BMPR1A: variants seen among roughly 807,000 people sequenced by gnomAD.
BMPR1A encodes the protein bone morphogenetic protein receptor type 1A.
In BMPR1A, 7 loss-of-function variants were observed where a neutral mutation model predicts 66.0. The observed-to-expected ratio is 0.11, with a 90% CI of 0.06 to 0.20. BMPR1A has a LOEUF of 0.20. BMPR1A is among the 10% of genes least tolerant of loss of function. The pLI, the probability that BMPR1A is intolerant of heterozygous loss-of-function variation, is 1.00. For synonymous variants in BMPR1A, 200 were observed against 229.7 expected, an observed-to-expected ratio of 0.87 and a Z score of 1.17; for missense variants, 408 against 669.1, an observed-to-expected ratio of 0.61 and a Z score of 4.31.
At chr10:86,805,598 A>C (rs970803348) in intron 1 of BMPR1A, among the ~76,000 whole-genome samples, 1 of 151,686 alleles carries the variant, frequency 6.6e-6, no homozygotes, top group Non-Finnish European at 1.5e-5. Context: ...AGTAGCTAGG[A>C]CTACAGGCGC....
chr10:86,853,074 A>G (rs1468754242), intron 2 of BMPR1A, among the ~76,000 whole-genome samples: 2 of 152,224 alleles, frequency 1.3e-5, no homozygotes, highest in African/African-American at 4.8e-5. Context: ...AAGATACAGA[A>G]GAAAGTCTTA....
intron 2 of BMPR1A, among the ~76,000 whole-genome samples, chr10:86,841,509 GAT>G (rs1842423446): frequency 2.6e-5 from 4 of 152,204 alleles, no homozygotes. Flanking sequence ...TCACAGAAGA[GAT>G]AATATTTGAG....
At chr10:86,772,877 A>G (rs1282277412) in intron 1 of BMPR1A, among the ~76,000 whole-genome samples, 1 of 152,206 alleles carries the variant, frequency 6.6e-6, no homozygotes, top group Non-Finnish European at 1.5e-5. Flanking sequence ...CCCTGAGAAG[A>G]AAGTAAAAAT....
chr10:86,766,952 T>C (rs1841173616), intron 1 of BMPR1A, among the ~76,000 whole-genome samples: 1 of 151,638 alleles, frequency 6.6e-6, no homozygotes, highest in African/African-American at 2.4e-5. Context: ...GCCTCCGGAG[T>C]AGCTCAGACA....
Position 86,927,040 on chromosome 10 carries a change from T to C in BMPR1A, c.*3321T>C. The C allele has an allele frequency of 5.3e-6, 1 of 187,016 alleles. No individual in the cohort carries two copies. Among genetic ancestry groups the C allele is most frequent in the East Asian group, 8.7e-5 (1 of 11,556 alleles). The allele number at this position is 187,016 out of a possible 1,614,324, so 11.6% of individuals were successfully genotyped here. On this transcript the variant is annotated 3_prime_UTR_variant, in exon 13 of 13. Transcript: ENST00000372037. ...TTAATCAGTATTTTTACATTGCCTT[T>C]CCAGTGTCCAGAAGTGTTTCTAAAC...
At chr10:86,758,110 A>G (rs890021023) in intron 1 of BMPR1A, among the ~76,000 whole-genome samples, 4 of 152,222 alleles carry the variant, frequency 2.6e-5, no homozygotes, top group Non-Finnish European at 5.9e-5. Flanking sequence ...ATTTGAAGCT[A>G]AAATATGGGC....
At chr10:86,816,076 T>C (rs998255870) in intron 1 of BMPR1A, among the ~76,000 whole-genome samples, 5 of 152,200 alleles carry the variant, frequency 3.3e-5, no homozygotes, top group Admixed American at 2.0e-4. Flanking sequence ...ATTTCTGTTG[T>C]GCTAAGCCAT....
At chr10:86,819,746 CCTTGGAATT>C (rs1259292641) in intron 1 of BMPR1A, among the ~76,000 whole-genome samples, 2 of 152,170 alleles carry the variant, frequency 1.3e-5, no homozygotes, top group Non-Finnish European at 2.9e-5. Flanking sequence ...TGGTTGTTAT[CCTTGGAATT>C]ACCGGTAGGG....
chr10:86,845,890 G>A (rs1040884710), intron 2 of BMPR1A, among the ~76,000 whole-genome samples: 23 of 151,962 alleles, frequency 1.5e-4, no homozygotes, highest in Non-Finnish European at 2.6e-4. Context: ...CCAGCTACTC[G>A]GGAGGCTGAG....
chr10:86,900,748 A>G (rs1843297371), intron 7 of BMPR1A, among the ~76,000 whole-genome samples: 1 of 152,208 alleles, frequency 6.6e-6, no homozygotes, highest in African/African-American at 2.4e-5. Context: ...GGGGTACCAC[A>G]GTTGAGAAAT....
At chr10:86,819,392 T>C (rs556827888) in intron 1 of BMPR1A, among the ~76,000 whole-genome samples, 12 of 152,148 alleles carry the variant, frequency 7.9e-5, no homozygotes, top group Admixed American at 7.2e-4. Flanking sequence ...GTCACTGCAG[T>C]CTCTGCCTCC....
intron 1 of BMPR1A, among the ~76,000 whole-genome samples, chr10:86,784,596 C>A (rs919550962): frequency 1.3e-5 from 2 of 152,002 alleles, no homozygotes; most frequent in Non-Finnish European, 2.9e-5. Flanking sequence ...TTTCTCTAAA[C>A]GTTTGGTAGA....
At chr10:86,861,130 C>T (rs750387646) in intron 2 of BMPR1A, among the ~76,000 whole-genome samples, 47 of 152,096 alleles carry the variant, frequency 3.1e-4, no homozygotes, top group Non-Finnish European at 5.9e-4. Flanking sequence ...CGTGAGCCAC[C>T]GCGCCTGGCC....
chr10:86,806,217 G>A (rs577135261), intron 1 of BMPR1A, among the ~76,000 whole-genome samples: 50 of 152,240 alleles, frequency 3.3e-4, no homozygotes, highest in Non-Finnish European at 6.3e-4. Flanking sequence ...CATTGGTCAT[G>A]TTAATTTTGA....
intron 8 of BMPR1A, among the ~76,000 whole-genome samples, chr10:86,915,994 T>C (rs905206597): frequency 2.0e-5 from 3 of 152,176 alleles, no homozygotes; most frequent in Non-Finnish European, 4.4e-5. Flanking sequence ...CAAGCAAATA[T>C]ATATGTAAAT....
chr10:86,766,792 T>G (rs1841170224), intron 1 of BMPR1A, among the ~76,000 whole-genome samples: 1 of 151,348 alleles, frequency 6.6e-6, no homozygotes, highest in South Asian at 2.1e-4. Flanking sequence ...GTATTTTTAG[T>G]GGAGACGGGG....
chr10:86,773,482 A>T lies in BMPR1A; in HGVS notation c.-268+16563A>T, dbSNP rs1382984625. Among the ~76,000 whole-genome samples, 5 of 151,910 alleles carry T rather than the reference A, an allele frequency of 3.3e-5. No individual in the cohort carries two copies. In the East Asian group the frequency reaches 9.8e-4, roughly 30 times the overall value. ...GTGGCGGGCACCTGTAATCCCAGCT[A>T]CTTGGGAAGCTGAGGCAAGAGAATC... On this transcript the variant is annotated intron_variant, in intron 1 of 12. Transcript: ENST00000372037.
intron 1 of BMPR1A, among the ~76,000 whole-genome samples, chr10:86,820,888 T>C (rs1842112269): frequency 6.6e-6 from 1 of 151,320 alleles, no homozygotes; most frequent in Admixed American, 6.6e-5. Context: ...TTTTCACTTA[T>C]TTTTTTAAAG....
intron 1 of BMPR1A, among the ~76,000 whole-genome samples, chr10:86,828,971 G>A (rs531679490): frequency 6.6e-6 from 1 of 152,264 alleles, no homozygotes; most frequent in Admixed American, 6.5e-5. Flanking sequence ...AGAACATAGA[G>A]CTGGGTGATT....
Sources: gnomAD v4.1 joint callset for allele counts (sites outside exome capture counted in the v4.1 genomes callset) on GRCh38, gnomAD v4.1.1 for gene constraint, MANE v1.5 for transcripts, NCBI Gene and HGNC (gene_info 2026-07-23, HGNC 2026-07-21) for gene names.